Variants in SLC25A21 observed in about 807,000 individuals in gnomAD.
SLC25A21 encodes mitochondrial 2-oxodicarboxylate carrier.
Under a neutral mutation model 43.8 loss-of-function variants are expected in SLC25A21, and 47 were observed. That is an observed-to-expected ratio of 1.07 (90% CI 0.85 to 1.37). The LOEUF (loss-of-function observed/expected upper bound fraction) is 1.37, where lower values mean the gene tolerates loss of function less well. Ranked by LOEUF, SLC25A21 falls within the 40% of genes most tolerant of loss-of-function variation. The probability of loss-of-function intolerance (pLI) is 0.00; values close to 1 mark genes in which losing one functional copy is unlikely to be tolerated. For missense variants in SLC25A21, 352 were observed against 350.2 expected, an observed-to-expected ratio of 1.00 and a Z score of -0.04; for synonymous variants, 131 against 121.3, an observed-to-expected ratio of 1.08 and a Z score of -0.52.
rs1191621175 is a variant in SLC25A21, at chr14:37,101,067, T to C, written c.70+71214A>G. 2.6e-5 allele frequency among the ~76,000 whole-genome samples: 4 copies of C among 152,208 alleles called. No homozygotes were observed. The South Asian group carries it at 8.3e-4, about 31-fold the overall frequency. On this transcript the variant is annotated intron_variant, in intron 1 of 9. Coordinates refer to ENST00000331299, the MANE Select transcript of SLC25A21 (RefSeq NM_030631.4). Reference sequence around the variant, plus strand: ...ATATGATGATTTCACAGATACACTATCTTTCTAAAAGCCTTTTATTGTGTA... The same window carrying C: ...ATATGATGATTTCACAGATACACTACCTTTCTAAAAGCCTTTTATTGTGTA...
chr14:36,909,697 T>C (rs1450334592), intron 1 of SLC25A21, among the ~76,000 whole-genome samples: 1 of 152,204 alleles, frequency 6.6e-6, no homozygotes. Flanking sequence ...ATAACCTATA[T>C]TAACTAAATA....
At chr14:37,060,321 C>T (rs1351047409) in intron 1 of SLC25A21, among the ~76,000 whole-genome samples, 2 of 150,472 alleles carry the variant, frequency 1.3e-5, no homozygotes, top group African/African-American at 4.9e-5. Context: ...TATTTATAAG[C>T]CATCCAGTCT....
chr14:36,924,076 T>C (rs1332881503), intron 1 of SLC25A21, among the ~76,000 whole-genome samples: 2 of 152,048 alleles, frequency 1.3e-5, no homozygotes, highest in Non-Finnish European at 2.9e-5. Context: ...ACACTGTTGG[T>C]GGGATTGTAA....
chr14:36,966,090 G>A (rs17177982), intron 1 of SLC25A21, among the ~76,000 whole-genome samples: 56,073 of 151,942 alleles, frequency 0.37, 10,488 homozygotes, highest in Admixed American at 0.42. Flanking sequence ...TACATGGAAC[G>A]TAAGAAACAC....
chr14:37,158,771 T>C (rs1000974545), intron 1 of SLC25A21, among the ~76,000 whole-genome samples: 13 of 152,120 alleles, frequency 8.5e-5, no homozygotes, highest in Non-Finnish European at 1.9e-4. Context: ...GGCATTCAGA[T>C]TGGAAAAGAG....
intron 1 of SLC25A21, among the ~76,000 whole-genome samples, chr14:36,906,011 C>CAGTG (rs1016680621): frequency 8.8e-4 from 134 of 152,258 alleles, no homozygotes; most frequent in African/African-American, 3.1e-3. Context: ...CGTTATAAAG[C>CAGTG]AGTGAGTCTT....
At chr14:37,004,588 C>T (rs1429419844) in intron 1 of SLC25A21, among the ~76,000 whole-genome samples, 1 of 152,174 alleles carries the variant, frequency 6.6e-6, no homozygotes, top group African/African-American at 2.4e-5. Flanking sequence ...TAGGTAAACA[C>T]CTCTGAGCAA....
intron 1 of SLC25A21, among the ~76,000 whole-genome samples, chr14:36,953,137 G>A (rs1000863825): frequency 1.3e-5 from 2 of 152,152 alleles, no homozygotes; most frequent in South Asian, 2.1e-4. Flanking sequence ...TTTAGTTAAC[G>A]ATAACAAGAT....
chr14:36,886,976 C>T (rs182169244), intron 1 of SLC25A21, among the ~76,000 whole-genome samples: 19 of 151,786 alleles, frequency 1.3e-4, no homozygotes, highest in Middle Eastern at 6.8e-3. Context: ...AACAATGCAA[C>T]GAGAAACACC....
At chr14:37,057,080 A>T (rs1961845683) in intron 1 of SLC25A21, among the ~76,000 whole-genome samples, 1 of 152,188 alleles carries the variant, frequency 6.6e-6, no homozygotes, top group Admixed American at 6.5e-5. Flanking sequence ...TCTCATTTAA[A>T]TTTTAACCTT....
At chr14:37,089,345 A>C (rs1478836096) in intron 1 of SLC25A21, among the ~76,000 whole-genome samples, 1 of 152,192 alleles carries the variant, frequency 6.6e-6, no homozygotes, top group African/African-American at 2.4e-5. Context: ...ACCTAGGGGA[A>C]GTGCTGGAGC....
intron 1 of SLC25A21, among the ~76,000 whole-genome samples, chr14:36,943,910 A>G (rs1051508483): frequency 2.0e-5 from 3 of 152,186 alleles, no homozygotes; most frequent in African/African-American, 7.2e-5. Flanking sequence ...AGTTTAATTA[A>G]TTAATTGAAA....
At chr14:37,044,518 G>A (rs2138788686) in intron 1 of SLC25A21, among the ~76,000 whole-genome samples, 1 of 152,224 alleles carries the variant, frequency 6.6e-6, no homozygotes, top group East Asian at 1.9e-4. Flanking sequence ...AAAGATTATA[G>A]GTAAGCATAT....
At chr14:36,773,509 A>G (rs1886703500) in intron 3 of SLC25A21, among the ~76,000 whole-genome samples, 1 of 152,246 alleles carries the variant, frequency 6.6e-6, no homozygotes, top group African/African-American at 2.4e-5. Flanking sequence ...ATTGAGTATT[A>G]ATTTGAAATC....
At chr14:37,165,836 G>C (rs1964020823) in intron 1 of SLC25A21, among the ~76,000 whole-genome samples, 1 of 152,118 alleles carries the variant, frequency 6.6e-6, no homozygotes, top group Non-Finnish European at 1.5e-5. Flanking sequence ...GGAACACAGG[G>C]AAGGGTCCAA....
intron 1 of SLC25A21, among the ~76,000 whole-genome samples, chr14:37,053,975 A>G (rs929941249): frequency 4.6e-5 from 7 of 152,342 alleles, no homozygotes; most frequent in African/African-American, 1.7e-4. Flanking sequence ...AATGGCCACA[A>G]ATTCCTTGCT....
chr14:37,086,989 T>C (rs77974068), intron 1 of SLC25A21, among the ~76,000 whole-genome samples: 3,178 of 152,292 alleles, frequency 0.021, 42 homozygotes, highest in Middle Eastern at 0.048. Context: ...AGGGTAAAAT[T>C]TGTGCAGAAG....
intron 1 of SLC25A21, among the ~76,000 whole-genome samples, chr14:36,899,628 T>G (rs561625138): frequency 6.6e-6 from 1 of 152,326 alleles, no homozygotes; most frequent in African/African-American, 2.4e-5. Context: ...AACTGAAAAC[T>G]GAGTCCAAGT....
At chr14:37,145,990 A>G (rs1434539663) in intron 1 of SLC25A21, among the ~76,000 whole-genome samples, 1 of 152,148 alleles carries the variant, frequency 6.6e-6, no homozygotes, top group Non-Finnish European at 1.5e-5. Context: ...TAATGTCTCA[A>G]TTTGATGGCA....
Sources: gnomAD v4.1 joint callset for allele counts (sites outside exome capture counted in the v4.1 genomes callset) on GRCh38, gnomAD v4.1.1 for gene constraint, MANE v1.5 for transcripts, NCBI Gene and HGNC (gene_info 2026-07-23, HGNC 2026-07-21) for gene names.